The following ROBO1 variants were observed in gnomAD, a reference collection of about 807,000 sequenced individuals.
The protein encoded by ROBO1 is roundabout guidance receptor 1.
Under a neutral mutation model 195.9 loss-of-function variants are expected in ROBO1, and 149 were observed. The observed-to-expected ratio is 0.76, with a 90% CI of 0.67 to 0.87. The LOEUF is 0.87. ROBO1 is among the 40% of genes least tolerant of loss of function. ROBO1 has a pLI of 0.00. For synonymous variants in ROBO1, 816 were observed against 733.2 expected (o/e 1.11, Z -1.82); for missense variants, 1,933 against 2,068.3 (o/e 0.93, Z 1.27).
At chr3:79,597,520 C>G (rs1329421081) in intron 1 of ROBO1, among the ~76,000 whole-genome samples, 1 of 151,694 alleles carries the variant, frequency 6.6e-6, no homozygotes, top group African/African-American at 2.4e-5. Flanking sequence ...TATTAAAAAG[C>G]CTATAATTTG....
intron 2 of ROBO1, among the ~76,000 whole-genome samples, chr3:79,382,493 T>C (rs2036607739): frequency 6.6e-6 from 1 of 152,132 alleles, no homozygotes; most frequent in Non-Finnish European, 1.5e-5. Flanking sequence ...ACTATTACAT[T>C]ATAATAGATG....
chr3:79,168,455 ACATGGTAAAATG>A (rs2108685743), intron 2 of ROBO1, among the ~76,000 whole-genome samples: 1 of 152,260 alleles, frequency 6.6e-6, no homozygotes, highest in East Asian at 1.9e-4. Context: ...CTTTGACCCA[ACATGGTAAAATG>A]CATACCCATT....
intron 2 of ROBO1, among the ~76,000 whole-genome samples, chr3:79,198,620 A>C (rs910643782): frequency 6.6e-6 from 1 of 152,014 alleles, no homozygotes; most frequent in Admixed American, 6.6e-5. Context: ...TCTATAAATT[A>C]CTTTGGGCAG....
chr3:79,173,343 G>A (rs561605995), intron 2 of ROBO1, among the ~76,000 whole-genome samples: 70 of 152,270 alleles, frequency 4.6e-4, no homozygotes, highest in Admixed American at 1.1e-3. Context: ...TGGAGGGAGA[G>A]GCGCGAGTGG....
chr3:79,470,410 T>A (rs1439572258), intron 2 of ROBO1, among the ~76,000 whole-genome samples: 1 of 152,034 alleles, frequency 6.6e-6, no homozygotes, highest in African/African-American at 2.4e-5. Context: ...GGGCCTGTCG[T>A]GGGGCATGGG....
intron 3 of ROBO1, among the ~76,000 whole-genome samples, chr3:79,121,988 G>A (rs1398950694): frequency 9.9e-5 from 15 of 151,628 alleles, no homozygotes; most frequent in African/African-American, 2.2e-4. Context: ...TAAATTATAC[G>A]TATATTTCAG....
chr3:79,052,405 A>G (rs921973116), intron 3 of ROBO1, among the ~76,000 whole-genome samples: 14 of 152,106 alleles, frequency 9.2e-5, no homozygotes, highest in African/African-American at 3.4e-4. Context: ...TGTGCTCAGC[A>G]GGACATGGAC....
chr3:79,760,718 T>C (rs1704654835), intron 1 of ROBO1, among the ~76,000 whole-genome samples: 1 of 99,042 alleles, frequency 1.0e-5, no homozygotes. Context: ...AATGTGACAT[T>C]ATTAAATATT....
chr3:79,097,001 C>T (rs1415462203), intron 3 of ROBO1, among the ~76,000 whole-genome samples: 2 of 151,538 alleles, frequency 1.3e-5, no homozygotes, highest in Non-Finnish European at 3.0e-5. Context: ...TATGGAAATA[C>T]TTTATTTTAG....
chr3:78,808,499 T>C (rs1215429963), intron 4 of ROBO1, among the ~76,000 whole-genome samples: 2 of 152,142 alleles, frequency 1.3e-5, no homozygotes, highest in Non-Finnish European at 2.9e-5. Flanking sequence ...CACCATGCCC[T>C]GCCTGAAATG....
chr3:79,712,023 C>T (rs1702298185), intron 1 of ROBO1, among the ~76,000 whole-genome samples: 1 of 151,992 alleles, frequency 6.6e-6, no homozygotes. Flanking sequence ...ACCCAACTGG[C>T]CATTCCCCTG....
intron 3 of ROBO1, among the ~76,000 whole-genome samples, chr3:79,045,167 A>G (rs1290473949): frequency 1.3e-5 from 2 of 152,036 alleles, no homozygotes. Flanking sequence ...AAAATAAATA[A>G]TAAAAATACT....
At chr3:78,848,085 G>T (rs1321878071) in intron 4 of ROBO1, among the ~76,000 whole-genome samples, 1 of 152,046 alleles carries the variant, frequency 6.6e-6, no homozygotes, top group African/African-American at 2.4e-5. Flanking sequence ...AAAACAAACT[G>T]CAGTAACACT....
At chr3:79,569,816 C>T (rs973653909) in intron 2 of ROBO1, among the ~76,000 whole-genome samples, 1 of 151,812 alleles carries the variant, frequency 6.6e-6, no homozygotes, top group Non-Finnish European at 1.5e-5. Context: ...ATGAGGTATT[C>T]GGCCTGGCAC....
At chr3:79,266,613 G>T (rs1241478522) in intron 2 of ROBO1, among the ~76,000 whole-genome samples, 1 of 151,444 alleles carries the variant, frequency 6.6e-6, no homozygotes, top group African/African-American at 2.4e-5. Flanking sequence ...TAAGGATAGT[G>T]GGTCCTAATA....
rs150844683 is a variant in ROBO1 at position 78,699,701 on chromosome 3, G to A, written c.1046-10929C>T. Among the ~76,000 whole-genome samples the A allele has an allele frequency of 6.6e-5, 10 of 151,838 alleles. No individual in the cohort carries two copies. In the South Asian group the frequency reaches 1.0e-3, roughly 16 times the overall value. On this transcript the variant is annotated intron_variant, in intron 8 of 30. Transcript: ENST00000464233. ...TAAAATAGAAAACTAAATTCTTAAC[G>A]TGGCCTTGCTGTGTAACAATTCAGT...
intron 4 of ROBO1, among the ~76,000 whole-genome samples, chr3:78,871,778 G>C (rs1323343703): frequency 6.7e-6 from 1 of 148,420 alleles, no homozygotes; most frequent in Non-Finnish European, 1.5e-5. Context: ...GTAAAGCTAG[G>C]TTTCTGGTTT....
intron 2 of ROBO1, among the ~76,000 whole-genome samples, chr3:79,265,428 G>C (rs2083021787): frequency 1.3e-5 from 2 of 151,448 alleles, no homozygotes; most frequent in Non-Finnish European, 3.0e-5. Flanking sequence ...AAGTACTGAT[G>C]AAACACAATT....
At chr3:79,115,488 C>T (rs1485324838) in intron 3 of ROBO1, among the ~76,000 whole-genome samples, 1 of 152,026 alleles carries the variant, frequency 6.6e-6, no homozygotes, top group East Asian at 1.9e-4. Flanking sequence ...CTCCAGCATC[C>T]CACTGCTTGC....
Sources: allele counts gnomAD v4.1 joint callset (sites outside exome capture counted in the v4.1 genomes callset), GRCh38; gene constraint gnomAD v4.1.1; transcripts MANE v1.5; gene names NCBI Gene and HGNC (gene_info 2026-07-23, HGNC 2026-07-21).